Variants in ARFIP1 observed in about 807,000 individuals in gnomAD.
ARFIP1 encodes arfaptin-1.
Under a neutral mutation model 42.5 loss-of-function variants are expected in ARFIP1, and 24 were observed. The observed-to-expected ratio is 0.57, with a 90% CI of 0.41 to 0.80. The LOEUF (loss-of-function observed/expected upper bound fraction) is 0.80. ARFIP1 is among the 30% of genes least tolerant of loss of function. ARFIP1 has a pLI of 0.00. For synonymous variants in ARFIP1, 141 were observed against 153.7 expected (o/e 0.92, Z 0.61); for missense variants, 354 against 434.0 (o/e 0.82, Z 1.64).
chr4:152,804,486 A>ATT (rs1299190848), intron 1 of ARFIP1, among the ~76,000 whole-genome samples: 1 of 91,622 alleles, frequency 1.1e-5, no homozygotes, highest in African/African-American at 3.5e-5. Flanking sequence ...AATATATATT[A>ATT]TTTATATATA....
intron 2 of ARFIP1, among the ~76,000 whole-genome samples, chr4:152,850,327 T>C (rs1732880347): frequency 6.6e-6 from 1 of 152,142 alleles, no homozygotes; most frequent in African/African-American, 2.4e-5. Context: ...TTCCTGAAAA[T>C]GTGCCCACCA....
Position 152,870,769 on chromosome 4 carries a change from A to C in ARFIP1, c.219A>C (p.Pro73=), listed in dbSNP as rs767702091. 2 of 1,613,966 alleles carry C rather than the reference A, an allele frequency of 1.2e-6. No individual in the cohort carries two copies. The highest frequency in any genetic ancestry group is 1.7e-6 in the Non-Finnish European group (2 of 1,179,954). Residue 73 remains proline, a synonymous_variant, in exon 4 of 9, where the codon CCA becomes CCC. Transcript: ENST00000353617. The part of the protein sequence containing the change: ...AGAFQGSPAP[P]LPSVMSPSRV... ...CCTTTTCAGGTTCCCCAGCACCGCC[A>C]CTGCCATCTGTTATGTCTCCTAGCA...
At chr4:152,817,957 A>T (rs547565554) in intron 1 of ARFIP1, among the ~76,000 whole-genome samples, 1 of 152,356 alleles carries the variant, frequency 6.6e-6, no homozygotes, top group Non-Finnish European at 1.5e-5. Context: ...ACAGTAAATA[A>T]CAAGTGTTGG....
intron 8 of ARFIP1, among the ~76,000 whole-genome samples, chr4:152,889,135 T>A (rs1361135386): frequency 6.6e-6 from 1 of 152,106 alleles, no homozygotes. Context: ...CTCTTAAAAT[T>A]GTTTTTCAGT....
rs1484397574 is a variant in ARFIP1 at position 152,880,545 on chromosome 4, T to C, written c.412-418T>C. Among the ~76,000 whole-genome samples the C allele has an allele frequency of 3.9e-5, 6 of 152,086 alleles. No individual in the cohort carries two copies. In the East Asian group the frequency reaches 9.6e-4, roughly 24 times the overall value. On this transcript the variant is annotated intron_variant, in intron 5 of 8. Coordinates refer to ENST00000353617, the MANE Select transcript of ARFIP1 (RefSeq NM_001025595.3). ...CCTCATTCATACACACATATATATA[T>C]ACAAGTCATTTAAGGGGGAAGATAG... is the stretch of plus-strand genomic sequence containing the variant.
At chr4:152,849,541 T>G (rs892273094) in intron 2 of ARFIP1, among the ~76,000 whole-genome samples, 5 of 152,158 alleles carry the variant, frequency 3.3e-5, no homozygotes, top group African/African-American at 1.2e-4. Flanking sequence ...ACTTAGAATC[T>G]AGACTAAGTG....
chr4:152,855,853 G>T (rs1317286701), intron 2 of ARFIP1, among the ~76,000 whole-genome samples: 1 of 152,146 alleles, frequency 6.6e-6, no homozygotes, highest in East Asian at 1.9e-4. Context: ...TCCCATATTG[G>T]GAAGTCTCCC....
chr4:152,843,630 C>G (rs926356882), intron 2 of ARFIP1, among the ~76,000 whole-genome samples: 1 of 152,114 alleles, frequency 6.6e-6, no homozygotes, highest in South Asian at 2.1e-4. Flanking sequence ...TCCCAGGTCA[C>G]AGGAGTTGTG....
intron 5 of ARFIP1, among the ~76,000 whole-genome samples, chr4:152,878,760 C>A (rs893471738): frequency 6.6e-6 from 1 of 152,174 alleles, no homozygotes; most frequent in Non-Finnish European, 1.5e-5. Context: ...AAAGGCCACT[C>A]AGACAGCAGT....
intron 3 of ARFIP1, among the ~76,000 whole-genome samples, chr4:152,869,148 G>A (rs1428600279): frequency 6.6e-6 from 1 of 152,124 alleles, no homozygotes; most frequent in Non-Finnish European, 1.5e-5. Context: ...GTTAGAACTC[G>A]TGACAGTTTC....
chr4:152,875,820 A>G (rs942262573), intron 5 of ARFIP1, among the ~76,000 whole-genome samples: 4 of 150,880 alleles, frequency 2.7e-5, no homozygotes, highest in Non-Finnish European at 5.9e-5. Flanking sequence ...TAGAATTCCC[A>G]TGAGTTGTGG....
At chr4:152,835,569 G>T (rs901888144) in intron 2 of ARFIP1, among the ~76,000 whole-genome samples, 3 of 152,094 alleles carry the variant, frequency 2.0e-5, no homozygotes, top group Non-Finnish European at 2.9e-5. Flanking sequence ...GTCTCTAAGA[G>T]GTTCCAAATT....
chr4:152,894,904 G>C (rs1314877370), intron 8 of ARFIP1, among the ~76,000 whole-genome samples: 1 of 152,192 alleles, frequency 6.6e-6, no homozygotes, highest in Non-Finnish European at 1.5e-5. Flanking sequence ...TGTTGAGAAA[G>C]TGAGAAACTG....
At chr4:152,885,355 T>C (rs1356980955) in intron 7 of ARFIP1, among the ~76,000 whole-genome samples, 2 of 152,034 alleles carry the variant, frequency 1.3e-5, no homozygotes, top group Admixed American at 1.3e-4. Context: ...TGGTGCTTCA[T>C]GTATAGAAAA....
Position 152,843,947 on chromosome 4 carries a change from G to A in ARFIP1, c.93+14221G>A, listed in dbSNP as rs987105643. 3.3e-5 allele frequency among the ~76,000 whole-genome samples: 5 copies of A among 152,256 alleles called. No individual in the cohort carries two copies. In the East Asian group the frequency reaches 5.8e-4, roughly 18 times the overall value. ...TTGTGGCCAGGAGGCTTCTACCACC[G>A]TTCAAATTGTTACAAAGTTCAGCTG... On this transcript the variant is annotated intron_variant, in intron 2 of 8. Transcript: ENST00000353617.
chr4:152,892,977 T>C (rs1736992364), intron 8 of ARFIP1, among the ~76,000 whole-genome samples: 1 of 152,250 alleles, frequency 6.6e-6, no homozygotes, highest in East Asian at 1.9e-4. Context: ...ATTTTGTGAC[T>C]TAAGGCAGTT....
chr4:152,842,649 C>T (rs367648758), intron 2 of ARFIP1, among the ~76,000 whole-genome samples: 3 of 152,090 alleles, frequency 2.0e-5, no homozygotes, highest in African/African-American at 7.2e-5. Context: ...TGGGTTAATT[C>T]GAAGACCTTG....
intron 1 of ARFIP1, among the ~76,000 whole-genome samples, chr4:152,804,098 T>C (rs528466605): frequency 1.8e-4 from 22 of 119,674 alleles, no homozygotes; most frequent in African/African-American, 6.1e-4. Context: ...ACGTAATATA[T>C]ATTATATATA....
At position 152,912,214 on chromosome 4, in the gene ARFIP1, T is replaced by C. The variant is rs1178096648; in HGVS notation, c.*1995T>C. 6.6e-6 allele frequency: 1 copy of C among 152,238 alleles called. No individual in the cohort carries two copies. The highest frequency in any genetic ancestry group is 2.4e-5 in the African/African-American group (1 of 41,560). 9.4% of individuals were successfully genotyped at this position (152,238 alleles called of 1,614,324 possible). ...TGGGCACATGACCAAAAGAAAAAAG[T>C]AAATCAATATATTTAGCCAATGGTA... On this transcript the variant is annotated 3_prime_UTR_variant, in exon 9 of 9. Transcript: ENST00000353617.
Sources: gnomAD v4.1 joint callset for allele counts (sites outside exome capture counted in the v4.1 genomes callset) on GRCh38, gnomAD v4.1.1 for gene constraint, MANE v1.5 for transcripts, NCBI Gene and HGNC (gene_info 2026-07-23, HGNC 2026-07-21) for gene names.